Variants in UBE2L5 observed in about 807,000 individuals in gnomAD.
UBE2L5 encodes the protein ubiquitin conjugating enzyme E2 L5.
In UBE2L5, 3 loss-of-function variants were observed where a neutral mutation model predicts 10.0. The ratio of observed to expected loss-of-function variants is 0.30; its 90% confidence interval spans 0.14 to 0.78. UBE2L5 has a LOEUF of 0.78. Ranked by LOEUF, UBE2L5 falls within the 30% of genes least tolerant of loss-of-function variation. UBE2L5 has a pLI of 0.65. For missense variants in UBE2L5, 131 were observed against 193.3 expected (o/e 0.68, Z 1.91); for synonymous variants, 60 against 71.9 (o/e 0.83, Z 0.83).
chr13:30,428,571 T>C lies in UBE2L5; in HGVS notation c.*116T>C. Reference sequence around the variant, plus strand: ...TACGTGCCACCGTCTGGCGTTCGCTTGCAGCAGTTACTAACTTTCTACAGT... The same window carrying C: ...TACGTGCCACCGTCTGGCGTTCGCTCGCAGCAGTTACTAACTTTCTACAGT... On this transcript the variant is annotated 3_prime_UTR_variant, in exon 4 of 4. Coordinates refer to ENST00000635918, the MANE Select transcript of UBE2L5 (RefSeq NM_001355247.2). The C allele has an allele frequency of 1.7e-6, 2 of 1,191,550 alleles. No individual in the cohort carries two copies. Among genetic ancestry groups the C allele is most frequent in the South Asian group, 1.5e-5 (1 of 67,616 alleles). The allele number at this position is 1,191,550 out of a possible 1,614,324, so 73.8% of individuals were successfully genotyped here.
rs913898842 is a variant in UBE2L5 at position 30,428,497 on chromosome 13, C to T, written c.*42C>T. 3 of 1,597,024 alleles carry T rather than the reference C, an allele frequency of 1.9e-6. No homozygotes were observed. In the African/African-American group the frequency reaches 4.1e-5, roughly 22 times the overall value. On this transcript the variant is annotated 3_prime_UTR_variant, in exon 4 of 4. Transcript: ENST00000635918. ...TTCCAGCAAGTGTGAGCAGAGACCC[C>T]GTGCAGTACATTCAGACACCCCGCA... is the stretch of plus-strand genomic sequence containing the variant.
Position 30,427,943 on chromosome 13 carries a change from G to A in UBE2L5, c.-48G>A, listed in dbSNP as rs1444651916. On this transcript the variant is annotated 5_prime_UTR_variant, in exon 4 of 4. Transcript: ENST00000635918. ...GTATACATACACAACCATTAAAAGT[G>A]GCCGTTACCACGATGCATTCTGGGA... 3.4e-6 allele frequency: 4 copies of A among 1,170,034 alleles called. No individual in the cohort carries two copies. The highest frequency in any genetic ancestry group is 5.1e-6 in the Non-Finnish European group (4 of 783,390). The allele number at this position is 1,170,034 out of a possible 1,614,324, so 72.5% of individuals were successfully genotyped here.
At chr13:30,424,612 C>T (rs577537555) in intron 1 of UBE2L5, among the ~76,000 whole-genome samples, 196 bp from the exon 2 acceptor site, 1 of 152,224 alleles carries the variant, frequency 6.6e-6, no homozygotes, top group South Asian at 2.1e-4. Context: ...AGCTTGTTTC[C>T]TCAAACACAG....
chr13:30,428,442 G>A lies in UBE2L5; in HGVS notation c.452G>A (p.Arg151Gln). 1 of 1,610,958 alleles carries A rather than the reference G, an allele frequency of 6.2e-7. No individual in the cohort carries two copies. The highest frequency in any genetic ancestry group is 8.5e-7 in the Non-Finnish European group (1 of 1,179,544). Residue 151 changes from arginine to glutamine, a missense_variant, in exon 4 of 4, where the codon CGA becomes CAA. Physicochemically the swap from Arg to Gln is conservative, Grantham distance 43 (BLOSUM62 1). Transcript: ENST00000635918. ...EEFTKKYGEK[R>Q]PVD ...TTTACAAAGAAATATGGGGAAAAGC[G>A]ACCTGTGGACTAAAATGTGCCACGA...
At position 30,428,020 on chromosome 13, in the gene UBE2L5, G is replaced by C. The variant is rs1885564754; in HGVS notation, c.30G>C (p.Glu10Asp). 5.6e-6 allele frequency: 9 copies of C among 1,603,684 alleles called. 1 individual carries two copies. The highest frequency in any genetic ancestry group is 7.7e-6 in the Non-Finnish European group (9 of 1,170,472). The change falls in exon 4 of 4, where the codon GAG becomes GAC. Residue 10 changes from glutamate (E) to aspartate (D), a missense_variant. By Grantham distance (45) the Glu-to-Asp change is conservative (BLOSUM62 2). Transcript: ENST00000635918. ...CGGCCAGCAGGAGGCTGATGAAGGA[G>C]CTTGAAGAAATCCGCAAATGTGGAA... is the stretch of plus-strand genomic sequence containing the variant. The part of the protein sequence containing the change: MAASRRLMK[E>D]LEEIRKCGME...
chr13:30,427,972 A>T lies in UBE2L5; in HGVS notation c.-19A>T. The stretch of plus-strand genomic sequence containing the variant: ...GTTACCACGATGCATTCTGGGAAAG[A>T]AGCAGCACCAAATCCAAGATGGCGG... On this transcript the variant is annotated 5_prime_UTR_variant, in exon 4 of 4. Coordinates refer to ENST00000635918, the MANE Select transcript of UBE2L5 (RefSeq NM_001355247.2). The T allele has an allele frequency of 1.4e-6, 2 of 1,442,936 alleles. No individual in the cohort carries two copies. The highest frequency in any genetic ancestry group is 2.0e-6 in the Non-Finnish European group (2 of 1,025,110). 89.4% of individuals were successfully genotyped at this position (1,442,936 alleles called of 1,614,324 possible).
intron 1 of UBE2L5, among the ~76,000 whole-genome samples, chr13:30,423,735 C>A (rs1393136756): frequency 6.6e-6 from 1 of 152,210 alleles, no homozygotes; most frequent in Non-Finnish European, 1.5e-5. Flanking sequence ...TTCCAGTTCA[C>A]AAAAATTTGG....
intron 2 of UBE2L5, among the ~76,000 whole-genome samples, chr13:30,426,128 C>T (rs781330273): frequency 6.6e-5 from 10 of 151,852 alleles, no homozygotes; most frequent in African/African-American, 2.2e-4. Flanking sequence ...CTGGCCAACA[C>T]GGCGAAACCC....
intron 2 of UBE2L5, among the ~76,000 whole-genome samples, chr13:30,425,884 C>T (rs1238030542): frequency 2.6e-5 from 4 of 151,624 alleles, no homozygotes; most frequent in Non-Finnish European, 5.9e-5. Context: ...ATTTGCCGGG[C>T]GTGCCTGTAA....
intron 3 of UBE2L5, 148 bp downstream of exon 3, chr13:30,426,926 A>G (rs1241928886): frequency 6.6e-6 from 1 of 150,940 alleles, no homozygotes; most frequent in African/African-American, 2.4e-5. Flanking sequence ...GCCAAATACA[A>G]AAATAACTCT....
In UBE2L5 at chr13:30,428,379, C is replaced by A; in HGVS notation, c.389C>A (p.Ser130Tyr). The change falls in exon 4 of 4, where the codon TCT becomes TAT. Residue 130 changes from serine to tyrosine, a missense_variant. Physicochemically the swap from Ser to Tyr is moderately radical, Grantham distance 144. Coordinates refer to ENST00000635918, the MANE Select transcript of UBE2L5 (RefSeq NM_001355247.2). ...PLRADLAEEYSNDRKKFCKNA... is the reference protein window; with the variant it reads ...PLRADLAEEYYNDRKKFCKNA... ...CGGGCTGACCTAGCTGAAGAATACT[C>A]TAACGACCGTAAAAAATTCTGTAAG... 6.2e-7 allele frequency: 1 copy of A among 1,611,576 alleles called. No homozygotes were observed. The highest frequency in any genetic ancestry group is 8.5e-7 in the Non-Finnish European group (1 of 1,179,628).
chr13:30,426,351 GC>G (rs1015620101), intron 2 of UBE2L5, among the ~76,000 whole-genome samples: 1 of 152,112 alleles, frequency 6.6e-6, no homozygotes, highest in Non-Finnish European at 1.5e-5. Context: ...GCGAGTCGGG[GC>G]TTACACAAAA....
intron 2 of UBE2L5, among the ~76,000 whole-genome samples, chr13:30,425,254 C>G (rs1885520838): frequency 6.6e-6 from 1 of 152,198 alleles, no homozygotes; most frequent in Non-Finnish European, 1.5e-5. Flanking sequence ...GAAATAGGCC[C>G]TGGTTGATTC....
In UBE2L5 at chr13:30,428,334, C is replaced by T. The variant is rs1885570021; in HGVS notation, c.344C>T (p.Pro115Leu). ...IQSLIALVND[P>L]QPEHPLRADL... ...TCCCTCATAGCACTGGTGAATGACC[C>T]GCAGCCCGAGCACCCGCTTCGGGCT... The change falls in exon 4 of 4, where the codon CCG becomes CTG. Residue 115 changes from proline (P) to leucine (L), a missense_variant. Physicochemically the swap from Pro to Leu is moderately conservative, Grantham distance 98. Transcript: ENST00000635918. 4 of 1,610,382 alleles carry T rather than the reference C, an allele frequency of 2.5e-6. No individual in the cohort carries two copies. The highest frequency in any genetic ancestry group is 1.7e-5 in the Admixed American group (1 of 59,278).
intron 2 of UBE2L5, among the ~76,000 whole-genome samples, chr13:30,425,773 A>C (rs1013805131): frequency 3.9e-5 from 6 of 152,226 alleles, no homozygotes; most frequent in South Asian, 2.1e-4. Flanking sequence ...CTGTAATCCC[A>C]GCACTTTGGG....
At position 30,428,624 on chromosome 13, in the gene UBE2L5, C is replaced by A; in HGVS notation, c.*169C>A. On this transcript the variant is annotated 3_prime_UTR_variant, in exon 4 of 4. Coordinates refer to ENST00000635918, the MANE Select transcript of UBE2L5 (RefSeq NM_001355247.2). ...TCTTAATTAAAAGTGGTCTAGGTAA[C>A]CTGTAAAGAAAGGATTAAAAATTTA... 2.6e-5 allele frequency: 18 copies of A among 680,444 alleles called. No homozygotes were observed. Among genetic ancestry groups the A allele is most frequent in the South Asian group, 1.3e-4 (5 of 38,480 alleles). 42.2% of individuals were successfully genotyped at this position (680,444 alleles called of 1,614,324 possible). A position where few individuals can be genotyped will look rare whatever the true frequency, so the allele number is the denominator to read the frequency against.
At chr13:30,425,158 C>A (rs1003235275) in intron 2 of UBE2L5, among the ~76,000 whole-genome samples, 9 of 152,154 alleles carry the variant, frequency 5.9e-5, no homozygotes, top group African/African-American at 2.2e-4. Context: ...AACATTTAAT[C>A]CTCAGGGAGG....
Position 30,428,719 on chromosome 13 carries a change from A to G in UBE2L5, c.*264A>G, listed in dbSNP as rs1334909077. The stretch of plus-strand genomic sequence containing the variant: ...TATACACTGGACTAGTTGTTGTTTT[A>G]AAAACATAAAATCTGGCTACCCTAA... On this transcript the variant is annotated 3_prime_UTR_variant, in exon 4 of 4. Coordinates refer to ENST00000635918, the MANE Select transcript of UBE2L5 (RefSeq NM_001355247.2). 4 of 394,368 alleles carry G rather than the reference A, an allele frequency of 1.0e-5. No individual in the cohort carries two copies. The highest frequency in any genetic ancestry group is 1.8e-5 in the Non-Finnish European group (4 of 227,448). The allele number at this position is 394,368 out of a possible 1,614,324, so 24.4% of individuals were successfully genotyped here.
chr13:30,429,288 C>G lies in UBE2L5; in HGVS notation c.*833C>G, dbSNP rs11617940. Among the ~76,000 whole-genome samples, 49,362 of 151,332 alleles carry G rather than the reference C, an allele frequency of 0.33. 8,982 individuals are homozygous for G. The highest frequency in any genetic ancestry group is 0.39 in the East Asian group (2,017 of 5,138). ...CAACAAGAGCAAAACTCTGTCCCCC[C>G]CCCACAAAAAAAAATTGATTGAAAT... On this transcript the variant is annotated 3_prime_UTR_variant, in exon 4 of 4. Transcript: ENST00000635918.
Sources: allele counts gnomAD v4.1 joint callset (sites outside exome capture counted in the v4.1 genomes callset), GRCh38; gene constraint gnomAD v4.1.1; transcripts MANE v1.5; gene names NCBI Gene and HGNC (gene_info 2026-07-23, HGNC 2026-07-21).